ANKRD36: variants seen among roughly 807,000 people sequenced by gnomAD.
ANKRD36 encodes the protein ankyrin repeat domain 36, also known as ankyrin repeat domain-containing protein 36A.
Under a neutral mutation model 278.1 loss-of-function variants are expected in ANKRD36, and 179 were observed. The observed-to-expected ratio is 0.64, with a 90% CI of 0.57 to 0.73. ANKRD36 has a LOEUF of 0.73. Among genes scored for constraint, ANKRD36 ranks in the 30% least tolerant of loss-of-function variants. The pLI is 0.00. For missense variants in ANKRD36, 1,159 were observed against 1,956.7 expected, an observed-to-expected ratio of 0.59 and a Z score of 7.69; for synonymous variants, 320 against 641.1, an observed-to-expected ratio of 0.50 and a Z score of 7.57.
chr2:97,243,121 T>C (rs2074799122), intron 69 of ANKRD36, among the ~76,000 whole-genome samples: 1 of 138,994 alleles, frequency 7.2e-6, no homozygotes. Context: ...CAAATATGAG[T>C]GACCGTGGCC....
chr2:97,122,036 G>A (rs1410798754), intron 3 of ANKRD36, among the ~76,000 whole-genome samples: 5 of 134,656 alleles, frequency 3.7e-5, no homozygotes, highest in Non-Finnish European at 8.4e-5. Flanking sequence ...CCGGCTCTCC[G>A]AATTAAAAAG....
chr2:97,126,709 A>G (rs2038748707), intron 5 of ANKRD36, among the ~76,000 whole-genome samples: 2 of 151,906 alleles, frequency 1.3e-5, no homozygotes, highest in South Asian at 2.1e-4. Flanking sequence ...CTAGTGAAAG[A>G]AGATAGTAAA....
intron 24 of ANKRD36, 102 bp from the exon 25 acceptor site, chr2:97,181,496 G>T (rs971798953): frequency 3.6e-5 from 55 of 1,511,976 alleles, no homozygotes; most frequent in Non-Finnish European, 4.8e-5. Flanking sequence ...GCCTACACTA[G>T]TACAGGCAGG....
At chr2:97,192,703 C>T (rs1425702919) in intron 36 of ANKRD36, among the ~76,000 whole-genome samples, 155 bp from the exon 37 acceptor site, 4 of 151,682 alleles carry the variant, frequency 2.6e-5, no homozygotes, top group Non-Finnish European at 5.9e-5. Context: ...CAGTGTATTT[C>T]TGTCACGTTC....
At chr2:97,116,540 C>T (rs933044355) in intron 1 of ANKRD36, among the ~76,000 whole-genome samples, 1 of 152,172 alleles carries the variant, frequency 6.6e-6, no homozygotes, top group Non-Finnish European at 1.5e-5. Flanking sequence ...TCCCAAAGTT[C>T]TGGGATTACA....
In ANKRD36 at chr2:97,194,925, TG is replaced by T; in HGVS notation, c.2551+9del. On this transcript the variant is annotated intron_variant, in intron 40 of 75. Coordinates refer to ENST00000420699, the MANE Select transcript of ANKRD36 (RefSeq NM_001354587.1). ...GAGAAATATCTAGGAAAGGTAATTT[TG>T]CGAAACACATTTAATGTCATGTTCA... The T allele has an allele frequency of 6.5e-7, 1 of 1,545,036 alleles. No individual in the cohort carries two copies. The highest frequency in any genetic ancestry group is 2.0e-5 in the Admixed American group (1 of 51,098).
Position 97,125,140 on chromosome 2 carries a change from T to C in ANKRD36, c.731+543T>C, listed in dbSNP as rs564665829. On this transcript the variant is annotated intron_variant, in intron 5 of 75. Transcript: ENST00000420699. ...CATTGCTTTGTTTTCATTGATTCTG[T>C]TGCTGCTTTCTTACCATTGAAAGTA... Among the ~76,000 whole-genome samples the C allele has an allele frequency of 1.1e-4, 16 of 151,508 alleles. No individual in the cohort carries two copies. In the East Asian group the frequency reaches 3.1e-3, roughly 29 times the overall value.
chr2:97,173,799 A>G (rs1460812365), intron 22 of ANKRD36, among the ~76,000 whole-genome samples: 1 of 151,740 alleles, frequency 6.6e-6, no homozygotes, highest in Admixed American at 6.6e-5. Context: ...GGTAACCCAC[A>G]GGGTCTCATT....
chr2:97,174,928 T>G (rs1334117468), intron 22 of ANKRD36, among the ~76,000 whole-genome samples: 1 of 147,690 alleles, frequency 6.8e-6, no homozygotes, highest in Non-Finnish European at 1.5e-5. Context: ...TGGATTACAT[T>G]TATTGATTTG....
intron 12 of ANKRD36, among the ~76,000 whole-genome samples, chr2:97,151,224 T>C (rs2045887046): frequency 6.6e-6 from 1 of 152,038 alleles, no homozygotes; most frequent in Non-Finnish European, 1.5e-5. Context: ...TTCACTTCTG[T>C]TTCTATTGTC....
rs1317131730 is a variant in ANKRD36, at chr2:97,133,169, C to T, written c.799+6035C>T. 2.6e-5 allele frequency among the ~76,000 whole-genome samples: 4 copies of T among 152,106 alleles called. No homozygotes were observed. In the East Asian group the frequency reaches 7.7e-4, roughly 29 times the overall value. ...ATGACAGTCTTATGACTGTTATATG[C>T]ATTATTTTCTTCACAGCAGTTACAG... On this transcript the variant is annotated intron_variant, in intron 6 of 75. Transcript: ENST00000420699.
At chr2:97,142,887 T>A in intron 8 of ANKRD36, 52 bp downstream of exon 8, 1 of 1,500,976 alleles carries the variant, frequency 6.7e-7, no homozygotes, top group East Asian at 2.5e-5. Flanking sequence ...AGAAGAGAAC[T>A]TCTGTTCACT....
At chr2:97,145,823 A>C (rs2044101742) in intron 10 of ANKRD36, among the ~76,000 whole-genome samples, 2 of 152,066 alleles carry the variant, frequency 1.3e-5, no homozygotes, top group African/African-American at 4.8e-5. Flanking sequence ...TATGAAAAAT[A>C]ATGAATAGCA....
At chr2:97,226,925 C>G (rs1410832752) in intron 67 of ANKRD36, among the ~76,000 whole-genome samples, 7 of 151,980 alleles carry the variant, frequency 4.6e-5, no homozygotes, top group Non-Finnish European at 7.3e-5. Flanking sequence ...TGTCAAAGAT[C>G]AGATAGTTGT....
rs530318356 is a variant in ANKRD36 at position 97,188,851 on chromosome 2, C to T, written c.2144-236C>T. Among the ~76,000 whole-genome samples, 5 of 90,374 alleles carry T rather than the reference C, an allele frequency of 5.5e-5. 1 individual carries two copies. The highest frequency in any genetic ancestry group is 4.4e-4 in the East Asian group (2 of 4,566). The allele number at this position is 90,374 out of a possible 152,430, so 59.3% of individuals were successfully genotyped here. On this transcript the variant is annotated intron_variant, in intron 32 of 75. Transcript: ENST00000420699. ...ATTGACACGGTTTTATTTTAGTTTT[C>T]GACATATGACGAATCATACCATGTT...
At chr2:97,235,036 T>C (rs1190508753) in intron 68 of ANKRD36, among the ~76,000 whole-genome samples, 3 of 148,048 alleles carry the variant, frequency 2.0e-5, no homozygotes, top group African/African-American at 7.7e-5. Context: ...CCAATTTAAT[T>C]GTTGAATTAC....
In ANKRD36 at chr2:97,199,800, C is replaced by A. The variant is rs2060808505; in HGVS notation, c.2756-534C>A. On this transcript the variant is annotated intron_variant, in intron 44 of 75. Coordinates refer to ENST00000420699, the MANE Select transcript of ANKRD36 (RefSeq NM_001354587.1). ...GTACTAGGTATCAGCAAACAGATAT[C>A]CAAGGTGATCAATTCAGGACACTTG... is the stretch of plus-strand genomic sequence containing the variant. 2.0e-5 allele frequency among the ~76,000 whole-genome samples: 3 copies of A among 151,988 alleles called. No homozygotes were observed. The South Asian group carries it at 6.3e-4, about 32-fold the overall frequency.
At chr2:97,235,094 G>A (rs1576490218) in intron 68 of ANKRD36, among the ~76,000 whole-genome samples, 1 of 150,876 alleles carries the variant, frequency 6.6e-6, no homozygotes. Context: ...CTAGCACAAG[G>A]TCACAAAGAT....
At chr2:97,211,066 C>T (rs1291549160) in intron 56 of ANKRD36, among the ~76,000 whole-genome samples, 1 of 151,818 alleles carries the variant, frequency 6.6e-6, no homozygotes, top group African/African-American at 2.4e-5. Flanking sequence ...GTGTACGTTC[C>T]ACTGAAATGT....
Sources: allele counts gnomAD v4.1 joint callset (sites outside exome capture counted in the v4.1 genomes callset), GRCh38; gene constraint gnomAD v4.1.1; transcripts MANE v1.5; gene names NCBI Gene and HGNC (gene_info 2026-07-23, HGNC 2026-07-21).